The following TENT2 variants were observed in gnomAD, a reference collection of about 807,000 sequenced individuals.
TENT2 encodes terminal nucleotidyltransferase 2.
Under a neutral mutation model 72.2 loss-of-function variants are expected in TENT2, and 44 were observed. The ratio of observed to expected loss-of-function variants is 0.61; its 90% confidence interval spans 0.48 to 0.78. TENT2 has a LOEUF of 0.78. TENT2 is among the 30% of genes least tolerant of loss of function. The pLI is 0.00. For missense variants in TENT2, 541 were observed against 569.6 expected (o/e 0.95, Z 0.51); for synonymous variants, 212 against 192.5 (o/e 1.10, Z -0.84).
chr5:79,617,132 G>A (rs1760871681), intron 1 of TENT2, among the ~76,000 whole-genome samples: 1 of 149,690 alleles, frequency 6.7e-6, no homozygotes, highest in Admixed American at 6.6e-5. Context: ...AAAAAAAAAA[G>A]AAAAGAAAAA....
intron 10 of TENT2, 92 bp from the exon 11 acceptor site, chr5:79,656,866 A>G (rs1454555722): frequency 2.4e-6 from 2 of 822,276 alleles, no homozygotes; most frequent in African/African-American, 1.7e-5. Flanking sequence ...ATAAACCCTT[A>G]TGGTCTTATA....
intron 4 of TENT2, among the ~76,000 whole-genome samples, chr5:79,625,753 A>G (rs145080346): frequency 1.3e-5 from 2 of 152,124 alleles, no homozygotes; most frequent in African/African-American, 4.8e-5. Flanking sequence ...AATAGGAAAA[A>G]CAATCAGGCA....
intron 12 of TENT2, among the ~76,000 whole-genome samples, 160 bp from the exon 13 acceptor site, chr5:79,679,419 A>G (rs533583111): frequency 3.9e-5 from 6 of 152,186 alleles, no homozygotes; most frequent in Admixed American, 3.3e-4. Flanking sequence ...TGGAAAAAAA[A>G]ATATAGAGGT....
rs1783935328 is a variant in TENT2 at position 79,640,882 on chromosome 5, C to T, written c.497C>T (p.Thr166Ile). Residue 166 changes from threonine (T) to isoleucine (I), a missense_variant, in exon 5 of 15, where the codon ACA (threonine) becomes ATA (isoleucine). Coordinates refer to ENST00000453514, the MANE Select transcript of TENT2 (RefSeq NM_001114394.3). ...CAGCAGATACTGGAGTTATTTGAAACATGTCAGCAGCAAATAAGTGATTTA... is the reference window on the plus strand; with the variant it reads ...CAGCAGATACTGGAGTTATTTGAAATATGTCAGCAGCAAATAAGTGATTTA... ...LSQQILELFE[T>I]CQQQISDLKK... The T allele has an allele frequency of 6.8e-6, 11 of 1,610,534 alleles. No individual in the cohort carries two copies. Among genetic ancestry groups the T allele is most frequent in the Non-Finnish European group, 8.5e-6 (10 of 1,178,860 alleles).
chr5:79,683,160 A>T (rs1010506974), intron 14 of TENT2, among the ~76,000 whole-genome samples: 1 of 152,116 alleles, frequency 6.6e-6, no homozygotes, highest in African/African-American at 2.4e-5. Flanking sequence ...AAAAAAAATG[A>T]ATAAAAATAA....
At chr5:79,626,827 G>C (rs1017482375) in intron 4 of TENT2, among the ~76,000 whole-genome samples, 5 of 151,532 alleles carry the variant, frequency 3.3e-5, no homozygotes, top group Non-Finnish European at 7.4e-5. Flanking sequence ...TCAGACCTTT[G>C]AATGAACGTA....
At chr5:79,623,531 A>G in intron 4 of TENT2, 42 bp downstream of exon 4, 2 of 1,361,874 alleles carry the variant, frequency 1.5e-6, no homozygotes, top group Non-Finnish European at 2.0e-6. Flanking sequence ...TTGGGAATTT[A>G]GTATAAATAA....
intron 12 of TENT2, among the ~76,000 whole-genome samples, chr5:79,671,886 T>C (rs181003128): frequency 2.0e-5 from 3 of 152,232 alleles, no homozygotes; most frequent in Admixed American, 2.0e-4. Context: ...GGAGATCACT[T>C]GAGCCCAGAA....
intron 1 of TENT2, among the ~76,000 whole-genome samples, chr5:79,618,168 G>T (rs940818262): frequency 6.6e-6 from 1 of 151,958 alleles, no homozygotes; most frequent in Admixed American, 6.6e-5. Flanking sequence ...TTTCCTCAAA[G>T]TTATCTTTTA....
intron 10 of TENT2, among the ~76,000 whole-genome samples, chr5:79,652,276 T>C (rs1794761009): frequency 6.6e-6 from 1 of 152,092 alleles, no homozygotes; most frequent in Non-Finnish European, 1.5e-5. Flanking sequence ...TAATATGAGA[T>C]CTACATAGCC....
At chr5:79,657,806 T>G (rs1477766244) in intron 11 of TENT2, among the ~76,000 whole-genome samples, 2 of 152,208 alleles carry the variant, frequency 1.3e-5, no homozygotes, top group Non-Finnish European at 2.9e-5. Context: ...TGAAACCACG[T>G]AATTTTTACA....
rs567416784 is a variant in TENT2, at chr5:79,620,064, C to G, written c.208C>G (p.Pro70Ala). Residue 70 changes from proline to alanine, a missense_variant, in exon 3 of 15, where the codon CCA becomes GCA. By Grantham distance (27) the Pro-to-Ala change is conservative. Transcript: ENST00000453514. ...NVSPIQTSAS[P>A]LFRGRKRLSD... ...CAGTCCAATACAGACCTCAGCTTCC[C>G]CATTATTTCGAGGAAGGAAGTAAGT... is the stretch of plus-strand genomic sequence containing the variant. The G allele has an allele frequency of 1.9e-6, 3 of 1,607,540 alleles. No homozygotes were observed. The African/African-American group carries it at 4.0e-5, about 21-fold the overall frequency.
chr5:79,618,743 C>G (rs968840731), intron 1 of TENT2, among the ~76,000 whole-genome samples: 1 of 152,074 alleles, frequency 6.6e-6, no homozygotes, highest in African/African-American at 2.4e-5. Flanking sequence ...TAGGGCCTGT[C>G]AACTAGTTGG....
At chr5:79,650,071 A>G (rs952944218) in intron 10 of TENT2, among the ~76,000 whole-genome samples, 5 of 152,098 alleles carry the variant, frequency 3.3e-5, no homozygotes, top group Admixed American at 6.6e-5. Flanking sequence ...AAGACTTGGT[A>G]TGAATGTAGT....
At chr5:79,645,719 T>C (rs1453425029) in intron 8 of TENT2, among the ~76,000 whole-genome samples, 2 of 152,290 alleles carry the variant, frequency 1.3e-5, no homozygotes, top group African/African-American at 2.4e-5. Context: ...GGAATTGTTT[T>C]GTAAATAGAT....
chr5:79,676,213 A>T (rs1817194604), intron 12 of TENT2, among the ~76,000 whole-genome samples: 1 of 151,446 alleles, frequency 6.6e-6, no homozygotes, highest in African/African-American at 2.4e-5. Flanking sequence ...CAGACTCATA[A>T]TTTTGACTTT....
At position 79,682,015 on chromosome 5, in the gene TENT2, T is replaced by C; in HGVS notation, c.1334T>C (p.Val445Ala). The C allele has an allele frequency of 6.2e-7, 1 of 1,613,726 alleles. No individual in the cohort carries two copies. The highest frequency in any genetic ancestry group is 8.5e-7 in the Non-Finnish European group (1 of 1,179,834). Residue 445 changes from valine (V) to alanine (A), a missense_variant, in exon 14 of 15, where the codon GTG becomes GCG. Val to Ala is a moderately conservative substitution (Grantham distance 64). Coordinates refer to ENST00000453514, the MANE Select transcript of TENT2 (RefSeq NM_001114394.3). ...PFDGTNTARA[V>A]HEKQKFDMIK... ...GATGGAACAAATACAGCCAGAGCAG[T>C]GCACGAAAAGCAGAAATTTGATATG...
At chr5:79,657,105 A>G (rs956759577) in intron 11 of TENT2, 104 bp downstream of exon 11, 18 of 722,152 alleles carry the variant, frequency 2.5e-5, no homozygotes, top group South Asian at 2.2e-4. Context: ...GGCTAAGTAC[A>G]TGATAACATT....
intron 14 of TENT2, among the ~76,000 whole-genome samples, chr5:79,683,923 CAAAAAAAAAAAAAAA>C (rs761567083): frequency 3.1e-4 from 13 of 41,566 alleles, no homozygotes; most frequent in East Asian, 1.6e-3. Context: ...GACTCCGTCT[CAAAAAAAAAAAAAAA>C]AAAAAAAAAA....
Sources: gnomAD v4.1 joint callset for allele counts (sites outside exome capture counted in the v4.1 genomes callset) on GRCh38, gnomAD v4.1.1 for gene constraint, MANE v1.5 for transcripts, NCBI Gene and HGNC (gene_info 2026-07-23, HGNC 2026-07-21) for gene names.